C2: variants seen among roughly 807,000 people sequenced by gnomAD.
C2 encodes complement C2.
C2 carries 64 observed loss-of-function variants against 85.2 expected under a neutral mutation model. That is an observed-to-expected ratio of 0.75 (90% CI 0.61 to 0.92). The LOEUF is 0.92. C2 is among the 40% of genes least tolerant of loss of function. The probability of loss-of-function intolerance (pLI) is 0.00; values close to 1 mark genes in which losing one functional copy is unlikely to be tolerated. For missense variants in C2, 820 were observed against 971.6 expected (o/e 0.84, Z 2.07); for synonymous variants, 311 against 370.8 (o/e 0.84, Z 1.85).
upstream of C2, chr6:31,900,070 C>T: frequency 6.2e-7 from 1 of 1,613,300 alleles, no homozygotes; most frequent in Non-Finnish European, 8.5e-7. The surrounding 1 kb of genome is among the most constrained non-coding windows in gnomAD (Gnocchi z 9.7). Flanking sequence ...GGTAGGGCCG[C>T]GCTCCCGAGT....
In C2 at chr6:31,935,946, G is replaced by T. The variant is rs1040463991; in HGVS notation, c.873G>T (p.Val291=). ...AGATCTTCAGCTTTGAGATCAATGT[G>T]AGCGTTGCCATTATCACCTTTGCCT... The part of the protein sequence containing the change: ...VDRIFSFEIN[V]SVAIITFASE... Residue 291 remains valine (V), a synonymous_variant, in exon 7 of 18, where the codon GTG becomes GTT. Coordinates refer to ENST00000299367, the MANE Select transcript of C2 (RefSeq NM_000063.6). This position sits in a 1 kb window ranked among gnomAD's most constrained non-coding sequence, Gnocchi z 4.3. The T allele has an allele frequency of 3.7e-5, 59 of 1,612,888 alleles. No homozygotes were observed. Among genetic ancestry groups the T allele is most frequent in the Non-Finnish European group, 4.8e-5 (57 of 1,180,024 alleles).
rs9267698 is a variant in C2, at chr6:31,932,094, T to C, written c.443-1516T>C. On this transcript the variant is annotated intron_variant, in intron 3 of 17. Coordinates refer to ENST00000299367, the MANE Select transcript of C2 (RefSeq NM_000063.6). ...GCAGAGGCGCCCCTCACTTCCCGGA[T>C]GGGGCGGCTGGCCGGGCGAGGGGCT... Among the ~76,000 whole-genome samples the C allele has an allele frequency of 9.5e-4, 84 of 88,354 alleles. 2 individuals are homozygous for C. Among genetic ancestry groups the C allele is most frequent in the African/African-American group, 1.7e-3 (34 of 19,968 alleles). 58.0% of individuals were successfully genotyped at this position (88,354 alleles called of 152,430 possible).
At chr6:31,900,877 A>G (rs1456108715), upstream of C2, 1 of 1,613,546 alleles carries the variant, frequency 6.2e-7, no homozygotes, top group African/African-American at 1.3e-5. This position sits in a 1 kb window ranked among gnomAD's most constrained non-coding sequence, Gnocchi z 9.7. Context: ...TGCTGCTCAC[A>G]AGGCTAGCCT....
In C2 at chr6:31,945,032, G is replaced by A; in HGVS notation, c.2079+3G>A. 1 of 1,613,044 alleles carries A rather than the reference G, an allele frequency of 6.2e-7. No individual in the cohort carries two copies. The highest frequency in any genetic ancestry group is 8.5e-7 in the Non-Finnish European group (1 of 1,180,012). ...AGCGGAGATTCAGGTTTTTTCAGGT[G>A]AGAAGGTAGAAGCTTGCAGGACCCA... is the stretch of plus-strand genomic sequence containing the variant. On this transcript the variant is annotated splice_donor_region_variant and intron_variant, in intron 17 of 17. Coordinates refer to ENST00000299367, the MANE Select transcript of C2 (RefSeq NM_000063.6). The surrounding 1 kb of genome is among the most constrained non-coding windows in gnomAD (Gnocchi z 5.3).
intron 1 of C2, chr6:31,902,046 G>C (rs1767361799): frequency 6.6e-6 from 1 of 150,448 alleles, no homozygotes; most frequent in African/African-American, 2.4e-5. Context: ...CCCCGCGCGC[G>C]CGGCGGCGGC....
Position 31,943,926 on chromosome 6 carries a change from C to G in C2, c.1743C>G (p.Cys581Trp). 6.2e-7 allele frequency: 1 copy of G among 1,612,854 alleles called. No individual in the cohort carries two copies. The highest frequency in any genetic ancestry group is 1.1e-5 in the South Asian group (1 of 91,084). The change falls in exon 14 of 18, where the codon TGC becomes TGG. Residue 581 changes from cysteine (C) to tryptophan (W), a missense_variant. Cys to Trp is a radical substitution (Grantham distance 215). Coordinates refer to ENST00000299367, the MANE Select transcript of C2 (RefSeq NM_000063.6). The surrounding 1 kb of genome is among the most constrained non-coding windows in gnomAD (Gnocchi z 6.4). ...TTGCTCTTCTCCCCAGGCCCATCTGCCTTCCCTGCACGATGGAGGCCAATC... is the reference window on the plus strand; with the variant it reads ...TTGCTCTTCTCCCCAGGCCCATCTGGCTTCCCTGCACGATGGAGGCCAATC... ...VKMSTHARPI[C>W]LPCTMEANLA...
chr6:31,945,292 C>T lies in C2; in HGVS notation c.2194C>T (p.Leu732Phe), dbSNP rs765593901. 5 of 1,612,946 alleles carry T rather than the reference C, an allele frequency of 3.1e-6. No individual in the cohort carries two copies. The highest frequency in any genetic ancestry group is 4.2e-6 in the Non-Finnish European group (5 of 1,180,040). Residue 732 changes from leucine to phenylalanine, a missense_variant, in exon 18 of 18, where the codon CTC (leucine) becomes TTC (phenylalanine). Transcript: ENST00000299367. This position sits in a 1 kb window ranked among gnomAD's most constrained non-coding sequence, Gnocchi z 5.3. Reference sequence around the variant, plus strand: ...GCCGCCACGAGACTTTCACATCAATCTCTTCCGCATGCAGCCCTGGCTGAG... The same window carrying T: ...GCCGCCACGAGACTTTCACATCAATTTCTTCCGCATGCAGCCCTGGCTGAG... ...VPPPRDFHIN[L>F]FRMQPWLRQH...
Position 31,944,782 on chromosome 6 carries a change from C to T in C2, c.1958C>T (p.Thr653Ile), listed in dbSNP as rs1354340721. 1.9e-6 allele frequency: 3 copies of T among 1,613,076 alleles called. No homozygotes were observed. The Admixed American group carries it at 5.0e-5, about 27-fold the overall frequency. ...GAAAAAACCATGTTCCCCAACTTGA[C>T]AGATGTCAGGGAGGTGGTGACAGAC... ...SQEKTMFPNL[T>I]DVREVVTDQF... Residue 653 changes from threonine to isoleucine, a missense_variant, in exon 16 of 18, where the codon ACA becomes ATA. By Grantham distance (89) the Thr-to-Ile change is moderately conservative. Coordinates refer to ENST00000299367, the MANE Select transcript of C2 (RefSeq NM_000063.6). This position sits in a 1 kb window ranked among gnomAD's most constrained non-coding sequence, Gnocchi z 5.1.
chr6:31,927,389 A>C, upstream of C2: 1 of 692,132 alleles, frequency 1.4e-6, no homozygotes, highest in Middle Eastern at 4.8e-4. The surrounding 1 kb of genome is among the most constrained non-coding windows in gnomAD (Gnocchi z 4.7). Context: ...AGCAAGGTGC[A>C]TGTGTGCACA....
chr6:31,944,533 C>A lies in C2; in HGVS notation c.1903-194C>A, dbSNP rs956973309. On this transcript the variant is annotated intron_variant, in intron 15 of 17. Coordinates refer to ENST00000299367, the MANE Select transcript of C2 (RefSeq NM_000063.6). The surrounding 1 kb of genome is among the most constrained non-coding windows in gnomAD (Gnocchi z 5.1). The stretch of plus-strand genomic sequence containing the variant: ...AGTAGCTGAGATTACAGGTGCCCAC[C>A]ACCACACCAGCTAATTTTTGTATTT... Among the ~76,000 whole-genome samples the A allele has an allele frequency of 6.6e-6, 1 of 152,198 alleles. No individual in the cohort carries two copies. The highest frequency in any genetic ancestry group is 2.4e-5 in the African/African-American group (1 of 41,442).
chr6:31,934,053 A>T, intron 5 of C2, 88 bp downstream of exon 5: 1 of 1,552,662 alleles, frequency 6.4e-7, no homozygotes, highest in Non-Finnish European at 8.9e-7. Context: ...GGAGGCCAGG[A>T]GCCTTGGTGG....
Position 31,943,033 on chromosome 6 carries a change from G to A in C2, c.1294G>A (p.Gly432Ser), listed in dbSNP as rs1356783379. 6.2e-7 allele frequency: 1 copy of A among 1,613,066 alleles called. No homozygotes were observed. Among genetic ancestry groups the A allele is most frequent in the Admixed American group, 1.7e-5 (1 of 60,028 alleles). ...ELNELGSKKD[G>S]ERHAFILQDT... is the part of the protein sequence containing the mutation. ...GAATGAGCTAGGGTCCAAGAAGGAT[G>A]GTGAGAGGCATGCCTTCATTCTGCA... Residue 432 changes from glycine (G) to serine (S), a missense_variant, in exon 10 of 18, where the codon GGT becomes AGT. By Grantham distance (56) the Gly-to-Ser change is moderately conservative (BLOSUM62 0). Coordinates refer to ENST00000299367, the MANE Select transcript of C2 (RefSeq NM_000063.6). The surrounding 1 kb of genome is among the most constrained non-coding windows in gnomAD (Gnocchi z 6.4).
intron 1 of C2, among the ~76,000 whole-genome samples, chr6:31,912,008 C>T (rs961492900): frequency 2.0e-5 from 3 of 147,672 alleles, no homozygotes; most frequent in South Asian, 2.2e-4. Flanking sequence ...TGGGCTCAAG[C>T]GATCCGCCCA....
chr6:31,908,406 C>A (rs776511269), intron 1 of C2, among the ~76,000 whole-genome samples: 68 of 151,530 alleles, frequency 4.5e-4, no homozygotes, highest in Non-Finnish European at 8.4e-4. Flanking sequence ...AATCCCAGCA[C>A]TTTGGGAGGC....
Position 31,943,126 on chromosome 6 carries a change from T to G in C2, c.1360+27T>G. ...TGAGTGAGCTTTGCCCTCCTTGGTG[T>G]GGGGAGGATGGTGAGGAGCCCGCCA... On this transcript the variant is annotated intron_variant, in intron 10 of 17. Coordinates refer to ENST00000299367, the MANE Select transcript of C2 (RefSeq NM_000063.6). This position sits in a 1 kb window ranked among gnomAD's most constrained non-coding sequence, Gnocchi z 6.4. 1 of 1,612,810 alleles carries G rather than the reference T, an allele frequency of 6.2e-7. No homozygotes were observed. Among genetic ancestry groups the G allele is most frequent in the Non-Finnish European group, 8.5e-7 (1 of 1,179,878 alleles).
At chr6:31,907,111 G>T (rs1767760945) in intron 1 of C2, among the ~76,000 whole-genome samples, 2 of 150,552 alleles carry the variant, frequency 1.3e-5, no homozygotes, top group Admixed American at 1.3e-4. Flanking sequence ...CTGCACTCCA[G>T]CCTGGGTGAC....
At chr6:31,900,601 A>G, upstream of C2, 1 of 1,612,654 alleles carries the variant, frequency 6.2e-7, no homozygotes, top group Non-Finnish European at 8.5e-7. This position sits in a 1 kb window ranked among gnomAD's most constrained non-coding sequence, Gnocchi z 9.7. Flanking sequence ...CGGAGCCTCC[A>G]ATGCCCAGAC....
chr6:31,899,948 T>C, upstream of C2: 1 of 1,589,682 alleles, frequency 6.3e-7, no homozygotes, highest in Non-Finnish European at 8.6e-7. Flanking sequence ...GACGTTAATC[T>C]CGGCCACACT....
chr6:31,913,375 C>T (rs542221920), intron 1 of C2, among the ~76,000 whole-genome samples: 13 of 152,168 alleles, frequency 8.5e-5, no homozygotes, highest in African/African-American at 2.2e-4. Flanking sequence ...GAGGAGTTCG[C>T]GACCAGCCTG....
Sources: allele counts gnomAD v4.1 joint callset (sites outside exome capture counted in the v4.1 genomes callset), GRCh38; gene constraint gnomAD v4.1.1; non-coding constraint Gnocchi (gnomAD v3.1); transcripts MANE v1.5; gene names NCBI Gene and HGNC (gene_info 2026-07-23, HGNC 2026-07-21).